The following CELF2 variants were observed in gnomAD, a reference collection of about 807,000 sequenced individuals.
CELF2 encodes the protein CUGBP Elav-like family member 2.
Under a neutral mutation model 62.6 loss-of-function variants are expected in CELF2, and 8 were observed. The observed-to-expected ratio is 0.13, with a 90% confidence interval of 0.07 to 0.23. The LOEUF (loss-of-function observed/expected upper bound fraction) is 0.23, where lower values mean the gene tolerates loss of function less well. Among genes scored for constraint, CELF2 ranks in the 10% least tolerant of loss-of-function variants. The probability of loss-of-function intolerance (pLI) is 1.00; values close to 1 mark genes in which losing one functional copy is unlikely to be tolerated. For missense variants in CELF2, 333 were observed against 671.0 expected (o/e 0.50, Z 5.56); for synonymous variants, 258 against 250.0 (o/e 1.03, Z -0.30).
At chr10:10,670,935 G>T in the CELF2 span, among the ~76,000 whole-genome samples, 1 of 152,102 alleles carries the variant, frequency 6.6e-6, no homozygotes, top group African/African-American at 2.4e-5. Context: ...TTCAGAGGCT[G>T]AGCAGGTGGA....
chr10:10,759,622 T>G, the CELF2 span, among the ~76,000 whole-genome samples: 7 of 152,016 alleles, frequency 4.6e-5, 1 homozygote, highest in Admixed American at 3.9e-4. Flanking sequence ...TGTCCATTTC[T>G]CTAATCAGCC....
At chr10:10,511,566 T>C in the CELF2 span, among the ~76,000 whole-genome samples, 1 of 152,136 alleles carries the variant, frequency 6.6e-6, no homozygotes, top group Non-Finnish European at 1.5e-5. Flanking sequence ...GATAGTTAAG[T>C]AAATAAACTC....
At chr10:10,766,001 C>T in the CELF2 span, among the ~76,000 whole-genome samples, 1 of 152,222 alleles carries the variant, frequency 6.6e-6, no homozygotes, top group Non-Finnish European at 1.5e-5. Flanking sequence ...GACCAAGCTA[C>T]CAATTTACAA....
the CELF2 span, among the ~76,000 whole-genome samples, chr10:10,606,856 T>C: frequency 6.6e-6 from 1 of 152,174 alleles, no homozygotes; most frequent in South Asian, 2.1e-4. Flanking sequence ...TCTAGAAAGA[T>C]GTAACGACTC....
At chr10:10,963,117 T>G (rs934076594) in intron 2 of CELF2, among the ~76,000 whole-genome samples, 1 of 152,274 alleles carries the variant, frequency 6.6e-6, no homozygotes, top group East Asian at 1.9e-4. Flanking sequence ...CTCGGCTCAC[T>G]GCAGCCTTCG....
At chr10:10,773,457 T>C in the CELF2 span, among the ~76,000 whole-genome samples, 3 of 152,358 alleles carry the variant, frequency 2.0e-5, no homozygotes, top group South Asian at 2.1e-4. Context: ...AAAATTCCTG[T>C]AGGCATTTAT....
At chr10:10,921,533 G>C (rs1358166760) in intron 2 of CELF2, among the ~76,000 whole-genome samples, 1 of 152,236 alleles carries the variant, frequency 6.6e-6, no homozygotes, top group Non-Finnish European at 1.5e-5. Flanking sequence ...CTCCCAAGGT[G>C]CTGGGATTAC....
the CELF2 span, among the ~76,000 whole-genome samples, chr10:10,524,860 A>G: frequency 6.6e-6 from 1 of 152,128 alleles, no homozygotes; most frequent in Non-Finnish European, 1.5e-5. Flanking sequence ...CACTTGTTTC[A>G]TGCCTGGAAG....
chr10:11,040,091 A>G (rs530720412), intron 1 of CELF2, among the ~76,000 whole-genome samples: 19 of 152,318 alleles, frequency 1.2e-4, no homozygotes, highest in African/African-American at 4.3e-4. Context: ...GCCACTGATC[A>G]TGGGACCACA....
chr10:11,060,450 A>G (rs952655845), intron 1 of CELF2, among the ~76,000 whole-genome samples: 7 of 152,186 alleles, frequency 4.6e-5, no homozygotes, highest in Admixed American at 2.0e-4. Context: ...AATATTTTAT[A>G]TGGTGGAGTT....
At chr10:11,182,927 CT>C (rs2073871859) in intron 2 of CELF2, among the ~76,000 whole-genome samples, 1 of 152,154 alleles carries the variant, frequency 6.6e-6, no homozygotes, top group African/African-American at 2.4e-5. Flanking sequence ...TGTTGTCACC[CT>C]TGGTGCCACC....
the CELF2 span, among the ~76,000 whole-genome samples, chr10:10,789,394 A>C: frequency 6.6e-6 from 1 of 152,220 alleles, no homozygotes; most frequent in African/African-American, 2.4e-5. Flanking sequence ...CCCACATTAA[A>C]TTATTAGATA....
chr10:10,540,532 C>T, the CELF2 span, among the ~76,000 whole-genome samples: 1 of 152,160 alleles, frequency 6.6e-6, no homozygotes, highest in African/African-American at 2.4e-5. Flanking sequence ...GGAGACCTAG[C>T]TCCCCATACG....
At chr10:10,587,502 C>T in the CELF2 span, among the ~76,000 whole-genome samples, 1 of 152,158 alleles carries the variant, frequency 6.6e-6, no homozygotes, top group African/African-American at 2.4e-5. Flanking sequence ...ATTATTTTAA[C>T]TCATCGGTCG....
intron 2 of CELF2, among the ~76,000 whole-genome samples, chr10:11,196,803 A>G (rs1000356179): frequency 6.6e-6 from 1 of 151,598 alleles, no homozygotes; most frequent in African/African-American, 2.4e-5. Flanking sequence ...AAAAAAATAC[A>G]AAAATTAGCC....
At chr10:10,668,860 A>T in the CELF2 span, among the ~76,000 whole-genome samples, 1 of 152,176 alleles carries the variant, frequency 6.6e-6, no homozygotes, top group Non-Finnish European at 1.5e-5. Flanking sequence ...CAGGAGGCTG[A>T]GGCAGGAAAA....
At chr10:11,231,690 C>CTT (rs369230271) in intron 3 of CELF2, among the ~76,000 whole-genome samples, 27 of 131,270 alleles carry the variant, frequency 2.1e-4, no homozygotes, top group Admixed American at 7.7e-4. Context: ...TGGTTGCTTT[C>CTT]TTTTTTTTTT....
chr10:10,733,618 G>A, the CELF2 span, among the ~76,000 whole-genome samples: 1 of 151,910 alleles, frequency 6.6e-6, no homozygotes, highest in African/African-American at 2.4e-5. Context: ...GGCTTGGGGG[G>A]GCCTCACAAT....
At chr10:11,322,473 A>G (rs1043160703) in intron 11 of CELF2, among the ~76,000 whole-genome samples, 1 of 152,128 alleles carries the variant, frequency 6.6e-6, no homozygotes, top group South Asian at 2.1e-4. Flanking sequence ...GCTGAATGAT[A>G]TTTTTTTCTG....
Sources: allele counts gnomAD v4.1 joint callset (sites outside exome capture counted in the v4.1 genomes callset), GRCh38; gene constraint gnomAD v4.1.1; transcripts MANE v1.5; gene names NCBI Gene and HGNC (gene_info 2026-07-23, HGNC 2026-07-21).